The following GLIS3 variants were observed in gnomAD, a reference collection of about 807,000 sequenced individuals.
The protein encoded by GLIS3 is zinc finger protein GLIS3.
In GLIS3, 53 loss-of-function variants were observed where a neutral mutation model predicts 78.6. The observed-to-expected ratio is 0.67, with a 90% CI of 0.54 to 0.85. The LOEUF (loss-of-function observed/expected upper bound fraction) is 0.85, where lower values mean the gene tolerates loss of function less well. Among genes scored for constraint, GLIS3 ranks in the 40% least tolerant of loss-of-function variants. GLIS3 has a pLI of 0.00. For synonymous variants in GLIS3, 684 were observed against 509.9 expected (o/e 1.34, Z -4.60); for missense variants, 1,703 against 1,231.1 (o/e 1.38, Z -5.74).
the GLIS3 span, among the ~76,000 whole-genome samples, chr9:4,469,402 C>A: frequency 6.6e-6 from 1 of 152,142 alleles, no homozygotes; most frequent in Non-Finnish European, 1.5e-5. Context: ...CACTCCTCAG[C>A]AAATGTAAAA....
intron 2 of GLIS3, among the ~76,000 whole-genome samples, chr9:4,321,148 C>G (rs372548920): frequency 6.6e-6 from 1 of 151,432 alleles, no homozygotes; most frequent in Non-Finnish European, 1.5e-5. Context: ...AGGCCGGGCG[C>G]GGTGGCTCAC....
chr9:4,251,032 G>C (rs1824322194), intron 2 of GLIS3, among the ~76,000 whole-genome samples: 1 of 152,084 alleles, frequency 6.6e-6, no homozygotes, highest in Non-Finnish European at 1.5e-5. Flanking sequence ...CCAACTATGT[G>C]GTCAATTTTA....
intron 2 of GLIS3, among the ~76,000 whole-genome samples, chr9:4,265,094 C>T (rs1825867141): frequency 6.6e-6 from 1 of 151,028 alleles, no homozygotes; most frequent in Non-Finnish European, 1.5e-5. Flanking sequence ...ATGGCGTGAA[C>T]CTGGGAGGTA....
At chr9:4,478,749 T>G in the GLIS3 span, among the ~76,000 whole-genome samples, 1 of 152,182 alleles carries the variant, frequency 6.6e-6, no homozygotes, top group Non-Finnish European at 1.5e-5. Context: ...AATAGTTGAT[T>G]CCAGAAAATA....
At chr9:3,912,725 A>G (rs1370600239) in intron 6 of GLIS3, among the ~76,000 whole-genome samples, 1 of 152,224 alleles carries the variant, frequency 6.6e-6, no homozygotes, top group Admixed American at 6.5e-5. Context: ...AGCTTCATTC[A>G]GAGGTACGTC....
intron 3 of GLIS3, among the ~76,000 whole-genome samples, chr9:4,310,207 A>G (rs1252551769): frequency 6.6e-6 from 1 of 152,206 alleles, no homozygotes. Flanking sequence ...ACATCTAGCT[A>G]TGGGCAAGGG....
chr9:4,424,042 T>A, the GLIS3 span, among the ~76,000 whole-genome samples: 1 of 152,216 alleles, frequency 6.6e-6, no homozygotes, highest in Non-Finnish European at 1.5e-5. Context: ...ATGTTAGAAA[T>A]ATTCCCTAAA....
rs114928200 is a variant in GLIS3 at position 3,921,161 on chromosome 9, C to T, written c.1983+11199G>A. 6.0e-3 allele frequency among the ~76,000 whole-genome samples: 913 copies of T among 152,264 alleles called. 7 individuals are homozygous for T. The highest frequency in any genetic ancestry group is 0.018 in the African/African-American group (729 of 41,534). On this transcript the variant is annotated intron_variant, in intron 6 of 10. Coordinates refer to ENST00000381971, the MANE Select transcript of GLIS3 (RefSeq NM_001042413.2). ...AGGTGTGTAGTACAACAGCTGCCTG[C>T]GATGTGTATCTCGAAATGAGGACAG...
At chr9:3,831,136 T>A (rs753556721) in intron 9 of GLIS3, among the ~76,000 whole-genome samples, 1 of 151,908 alleles carries the variant, frequency 6.6e-6, no homozygotes, top group African/African-American at 2.4e-5. Flanking sequence ...GCACTTTATA[T>A]AGAATCAAAA....
the GLIS3 span, among the ~76,000 whole-genome samples, chr9:4,381,479 T>C: frequency 6.6e-6 from 1 of 152,136 alleles, no homozygotes; most frequent in Non-Finnish European, 1.5e-5. Flanking sequence ...GTAAATCAAG[T>C]TAACACAGGA....
intron 2 of GLIS3, among the ~76,000 whole-genome samples, chr9:4,262,247 CCAA>C (rs1258520497): frequency 1.3e-5 from 2 of 152,200 alleles, no homozygotes; most frequent in Admixed American, 1.3e-4. Context: ...CTTGAGGCCC[CCAA>C]CAAGATATAA....
rs1329092583 is a variant in GLIS3, at chr9:4,120,842, C to A, written c.597-1961G>T. Among the ~76,000 whole-genome samples, 4 of 152,146 alleles carry A rather than the reference C, an allele frequency of 2.6e-5. No individual in the cohort carries two copies. In the South Asian group the frequency reaches 8.3e-4, roughly 32 times the overall value. ...GACTAACAGACAGAAGTATGTTATCCACCTATATATACTTTGCTTATAAAA... is the reference window on the plus strand; with the variant it reads ...GACTAACAGACAGAAGTATGTTATCAACCTATATATACTTTGCTTATAAAA... On this transcript the variant is annotated intron_variant, in intron 3 of 10. Coordinates refer to ENST00000381971, the MANE Select transcript of GLIS3 (RefSeq NM_001042413.2).
At chr9:4,447,759 A>T in the GLIS3 span, among the ~76,000 whole-genome samples, 1 of 152,144 alleles carries the variant, frequency 6.6e-6, no homozygotes, top group Non-Finnish European at 1.5e-5. Context: ...AGAGGACTTC[A>T]TCTCTTCTTT....
At position 4,132,397 on chromosome 9, in the gene GLIS3, T is replaced by C. The variant is rs1197814376; in HGVS notation, c.389-6456A>G. 3.9e-5 allele frequency among the ~76,000 whole-genome samples: 6 copies of C among 152,206 alleles called. No individual in the cohort carries two copies. The East Asian group carries it at 7.7e-4, about 20-fold the overall frequency. ...GTCTTCATTAGTTAAAAGGGTTCTC[T>C]TGAAGTCAAATGGCTGATTATGTCA... is the stretch of plus-strand genomic sequence containing the variant. On this transcript the variant is annotated intron_variant, in intron 2 of 10. Coordinates refer to ENST00000381971, the MANE Select transcript of GLIS3 (RefSeq NM_001042413.2).
At chr9:3,909,978 C>T (rs1050172908) in intron 6 of GLIS3, among the ~76,000 whole-genome samples, 1 of 152,210 alleles carries the variant, frequency 6.6e-6, no homozygotes, top group African/African-American at 2.4e-5. Context: ...GTGCACAGCA[C>T]TACTGCATAC....
At chr9:4,436,179 T>A in the GLIS3 span, among the ~76,000 whole-genome samples, 1 of 152,142 alleles carries the variant, frequency 6.6e-6, no homozygotes, top group Non-Finnish European at 1.5e-5. Context: ...GATATGAAGA[T>A]GATCACAAAG....
chr9:4,398,880 G>C, the GLIS3 span, among the ~76,000 whole-genome samples: 1 of 152,062 alleles, frequency 6.6e-6, no homozygotes, highest in Non-Finnish European at 1.5e-5. Flanking sequence ...GTAGAGACAG[G>C]GTTTCACCAT....
At chr9:4,117,029 A>G (rs1831703063) in intron 4 of GLIS3, among the ~76,000 whole-genome samples, 1 of 152,216 alleles carries the variant, frequency 6.6e-6, no homozygotes. Flanking sequence ...AGAAACAGAG[A>G]GAGTTCCAGG....
At chr9:3,950,246 G>C (rs906253821) in intron 4 of GLIS3, among the ~76,000 whole-genome samples, 1 of 152,096 alleles carries the variant, frequency 6.6e-6, no homozygotes, top group African/African-American at 2.4e-5. Context: ...TCTCCTAATA[G>C]GTCTCCCCCA....
Sources: gnomAD v4.1 joint callset for allele counts (sites outside exome capture counted in the v4.1 genomes callset) on GRCh38, gnomAD v4.1.1 for gene constraint, MANE v1.5 for transcripts, NCBI Gene and HGNC (gene_info 2026-07-23, HGNC 2026-07-21) for gene names.